The following TAF3 variants were observed in gnomAD, a reference collection of about 807,000 sequenced individuals.
TAF3 encodes the protein transcription initiation factor TFIID subunit 3.
TAF3 carries 7 observed loss-of-function variants against 80.6 expected under a neutral mutation model. The ratio of observed to expected loss-of-function variants is 0.09; its 90% CI spans 0.05 to 0.16. The LOEUF is 0.16. Ranked by LOEUF, TAF3 falls within the 10% of genes least tolerant of loss-of-function variation. The pLI, the probability that TAF3 is intolerant of heterozygous loss-of-function variation, is 1.00. For missense variants in TAF3, 921 were observed against 1,140.2 expected (o/e 0.81, Z 2.77); for synonymous variants, 444 against 446.1 (o/e 1.00, Z 0.06).
chr10:7,932,993 A>G (rs1837883226), intron 2 of TAF3, among the ~76,000 whole-genome samples: 1 of 152,066 alleles, frequency 6.6e-6, no homozygotes, highest in African/African-American at 2.4e-5. Flanking sequence ...GTTCCACTTA[A>G]TATTAAATGA....
At chr10:7,942,655 G>A (rs1016736789) in intron 2 of TAF3, among the ~76,000 whole-genome samples, 3 of 152,170 alleles carry the variant, frequency 2.0e-5, no homozygotes, top group African/African-American at 7.2e-5. Flanking sequence ...CTTGTTAGGG[G>A]TTGCAAACAC....
At chr10:7,994,446 A>G (rs1470196845) in intron 4 of TAF3, among the ~76,000 whole-genome samples, 3 of 152,186 alleles carry the variant, frequency 2.0e-5, no homozygotes, top group Non-Finnish European at 2.9e-5. Context: ...GTTTGAAAAG[A>G]AAAGAAAAAA....
intron 2 of TAF3, among the ~76,000 whole-genome samples, chr10:7,911,887 C>G (rs778223708): frequency 6.6e-6 from 1 of 152,054 alleles, no homozygotes; most frequent in Admixed American, 6.5e-5. Context: ...TGTAATGGGC[C>G]TAGCTTGCTT....
At chr10:7,875,700 T>C (rs558586494) in intron 2 of TAF3, among the ~76,000 whole-genome samples, 1 of 152,300 alleles carries the variant, frequency 6.6e-6, no homozygotes, top group African/African-American at 2.4e-5. Context: ...TTAAAATATA[T>C]CTAGTTTAGT....
rs541224867 is a variant in TAF3 at position 8,006,128 on chromosome 10, G to C, written c.2316-2950G>C. Among the ~76,000 whole-genome samples the C allele has an allele frequency of 1.3e-3, 198 of 151,774 alleles. 1 individual carries two copies. Among genetic ancestry groups the C allele is most frequent in the Middle Eastern group, 3.4e-3 (1 of 294 alleles). The stretch of plus-strand genomic sequence containing the variant: ...GCAGATGACCTGAAGTCGGGAGTTT[G>C]AGACCAGCCTGCCCAACATGGAGAA... On this transcript the variant is annotated intron_variant, in intron 4 of 6. Transcript: ENST00000344293.
Position 7,818,835 on chromosome 10 carries a change from G to A in TAF3, c.126G>A (p.Leu42=), listed in dbSNP as rs1244108278. The A allele has an allele frequency of 1.9e-6, 3 of 1,547,906 alleles. No homozygotes were observed. The highest frequency in any genetic ancestry group is 2.4e-5 in the East Asian group (1 of 40,984). The change falls in exon 1 of 7, where the codon CTG becomes CTA. Residue 42 remains leucine, a synonymous_variant. Coordinates refer to ENST00000344293, the MANE Select transcript of TAF3 (RefSeq NM_031923.4). ...HLLTDVLQRY[L]QQLGRGCHRY... ...TCACGGACGTGCTGCAGCGCTATCT[G>A]CAGCAGCTGGGCCGGGGCTGCCATC...
At chr10:7,988,040 G>A (rs993223148) in intron 4 of TAF3, among the ~76,000 whole-genome samples, 1 of 152,044 alleles carries the variant, frequency 6.6e-6, no homozygotes, top group Non-Finnish European at 1.5e-5. Context: ...GAAGGAACCT[G>A]GGAAATATTA....
At chr10:7,917,828 C>T (rs1837725889) in intron 2 of TAF3, among the ~76,000 whole-genome samples, 1 of 152,122 alleles carries the variant, frequency 6.6e-6, no homozygotes, top group Non-Finnish European at 1.5e-5. Flanking sequence ...TGAAAATGGA[C>T]CATTGGATTT....
intron 3 of TAF3, among the ~76,000 whole-genome samples, chr10:7,970,565 G>C (rs371100096): frequency 6.6e-6 from 1 of 152,186 alleles, no homozygotes; most frequent in African/African-American, 2.4e-5. Context: ...AAATGAGGGG[G>C]ATAGGAATGG....
intron 2 of TAF3, among the ~76,000 whole-genome samples, chr10:7,925,676 G>A (rs1217995770): frequency 5.3e-5 from 8 of 151,628 alleles, no homozygotes; most frequent in Admixed American, 5.3e-4. Context: ...TGGTGTGCCT[G>A]TATTCCCAGC....
chr10:7,975,943 C>CA (rs1389827130), intron 3 of TAF3, among the ~76,000 whole-genome samples: 8 of 152,130 alleles, frequency 5.3e-5, no homozygotes, highest in African/African-American at 1.9e-4. Context: ...GTGCTTGGGA[C>CA]AGTGCCTTAC....
At chr10:7,872,543 G>A (rs547389970) in intron 2 of TAF3, among the ~76,000 whole-genome samples, 62 of 152,134 alleles carry the variant, frequency 4.1e-4, no homozygotes, top group Non-Finnish European at 7.2e-4. Context: ...TTACTCAATG[G>A]GGAACGTTTA....
chr10:7,902,392 T>C (rs11255432), intron 2 of TAF3, among the ~76,000 whole-genome samples: 32,302 of 151,968 alleles, frequency 0.21, 3,587 homozygotes, highest in East Asian at 0.3. Context: ...CACTGCACTC[T>C]AGCCTGGGCA....
intron 2 of TAF3, among the ~76,000 whole-genome samples, chr10:7,937,586 C>G (rs1394232645): frequency 6.6e-6 from 1 of 152,148 alleles, no homozygotes; most frequent in Non-Finnish European, 1.5e-5. Flanking sequence ...ATTTAGGTGA[C>G]AGTCCTTTAT....
chr10:7,977,380 C>T, intron 4 of TAF3, 57 bp downstream of exon 4: 1 of 1,542,492 alleles, frequency 6.5e-7, no homozygotes, highest in Non-Finnish European at 8.9e-7. Flanking sequence ...CTTCTCTACT[C>T]TTTCCTAAGG....
intron 2 of TAF3, among the ~76,000 whole-genome samples, chr10:7,873,594 C>G (rs537727923): frequency 2.7e-5 from 4 of 146,436 alleles, no homozygotes; most frequent in Non-Finnish European, 5.9e-5. Flanking sequence ...TATGGATGTC[C>G]CCAAGGGAAG....
At chr10:7,840,078 G>A (rs940142830) in intron 2 of TAF3, among the ~76,000 whole-genome samples, 6 of 151,942 alleles carry the variant, frequency 3.9e-5, no homozygotes. Flanking sequence ...GTATTTAAGG[G>A]ATTGAAAAAT....
At chr10:7,917,957 A>G (rs999509432) in intron 2 of TAF3, among the ~76,000 whole-genome samples, 4 of 152,200 alleles carry the variant, frequency 2.6e-5, no homozygotes, top group Admixed American at 2.0e-4. Context: ...CAACAGGTAC[A>G]GGCACTTTCA....
At chr10:7,846,943 C>G (rs976438002) in intron 2 of TAF3, among the ~76,000 whole-genome samples, 5 of 152,084 alleles carry the variant, frequency 3.3e-5, no homozygotes, top group African/African-American at 9.7e-5. Flanking sequence ...CATTATATTT[C>G]AAGAATAGAT....
Sources: gnomAD v4.1 joint callset for allele counts (sites outside exome capture counted in the v4.1 genomes callset) on GRCh38, gnomAD v4.1.1 for gene constraint, MANE v1.5 for transcripts, NCBI Gene and HGNC (gene_info 2026-07-23, HGNC 2026-07-21) for gene names.